The following FHIT variants were observed in gnomAD, a reference collection of about 807,000 sequenced individuals.
The protein encoded by FHIT is bis(5'-adenosyl)-triphosphatase.
A neutral mutation model predicts 17.9 loss-of-function variants in FHIT; 19 were observed. That is an observed-to-expected ratio of 1.06 (90% CI 0.74 to 1.56). The LOEUF (loss-of-function observed/expected upper bound fraction) is 1.56. Among genes scored for constraint, FHIT ranks in the 40% most tolerant of loss-of-function variants. The pLI is 0.00. For missense variants in FHIT, 248 were observed against 189.2 expected (o/e 1.31, Z -1.82); for synonymous variants, 81 against 69.7 (o/e 1.16, Z -0.81).
intron 5 of FHIT, among the ~76,000 whole-genome samples, chr3:60,427,539 C>T (rs1702718214): frequency 1.3e-5 from 2 of 152,118 alleles, no homozygotes; most frequent in South Asian, 4.1e-4. Flanking sequence ...TAATGTATTA[C>T]ACAGCAATAG....
At position 60,293,096 on chromosome 3, in the gene FHIT, C is replaced by T. The variant is rs138895983; in HGVS notation, c.103+243764G>A. Among the ~76,000 whole-genome samples the T allele has an allele frequency of 5.1e-3, 776 of 152,188 alleles. 3 individuals are homozygous for T. Among genetic ancestry groups the T allele is most frequent in the South Asian group, 0.014 (66 of 4,826 alleles). On this transcript the variant is annotated intron_variant, in intron 5 of 9. Transcript: ENST00000492590. ...GCATAAAAATGTCTTTGAAAACATA[C>T]GTAATCTAGAGATGATGTTCAAATA...
At chr3:60,579,792 A>G (rs782514675) in intron 4 of FHIT, among the ~76,000 whole-genome samples, 1 of 152,138 alleles carries the variant, frequency 6.6e-6, no homozygotes, top group Non-Finnish European at 1.5e-5. Flanking sequence ...TTTCTATGTC[A>G]GCAGATACTT....
At chr3:61,072,124 T>A (rs1233868678) in intron 2 of FHIT, among the ~76,000 whole-genome samples, 1 of 152,210 alleles carries the variant, frequency 6.6e-6, no homozygotes, top group East Asian at 1.9e-4. Context: ...AAGGTCATTC[T>A]CTCTGGGTGT....
intron 5 of FHIT, among the ~76,000 whole-genome samples, chr3:60,373,249 C>A (rs1327443157): frequency 6.6e-6 from 1 of 152,036 alleles, no homozygotes; most frequent in Non-Finnish European, 1.5e-5. Flanking sequence ...CAGCCCAGTC[C>A]TTGGGTGGGG....
intron 5 of FHIT, among the ~76,000 whole-genome samples, chr3:60,244,516 G>A (rs1232071998): frequency 6.6e-6 from 1 of 152,004 alleles, no homozygotes; most frequent in Non-Finnish European, 1.5e-5. Context: ...ATTTCATGTT[G>A]ATTAACAGTA....
chr3:60,490,891 G>A (rs2034035153), intron 5 of FHIT, among the ~76,000 whole-genome samples: 1 of 152,118 alleles, frequency 6.6e-6, no homozygotes, highest in Non-Finnish European at 1.5e-5. Flanking sequence ...TGCACAGGTA[G>A]CCAATTTGGG....
chr3:60,122,080 GTTTTC>G (rs1705283319), intron 5 of FHIT, among the ~76,000 whole-genome samples: 1 of 150,250 alleles, frequency 6.7e-6, no homozygotes, highest in Non-Finnish European at 1.5e-5. Flanking sequence ...ATGCACAAAA[GTTTTC>G]TTTTCTTCAG....
intron 5 of FHIT, among the ~76,000 whole-genome samples, chr3:60,165,383 G>C (rs1364696263): frequency 6.6e-6 from 1 of 152,184 alleles, no homozygotes; most frequent in African/African-American, 2.4e-5. Flanking sequence ...GGAAAGTGGT[G>C]AACTTTAGGA....
chr3:61,214,745 G>A (rs2039614783), intron 1 of FHIT, among the ~76,000 whole-genome samples: 1 of 152,192 alleles, frequency 6.6e-6, no homozygotes, highest in Admixed American at 6.5e-5. Flanking sequence ...GAACATTGAT[G>A]CAAATATCCT....
At chr3:60,200,131 T>G (rs559588946) in intron 5 of FHIT, among the ~76,000 whole-genome samples, 1 of 152,056 alleles carries the variant, frequency 6.6e-6, no homozygotes, top group Non-Finnish European at 1.5e-5. Flanking sequence ...ACACTAGGGA[T>G]GGGATTAGGA....
At chr3:60,455,259 T>C (rs1445523090) in intron 5 of FHIT, among the ~76,000 whole-genome samples, 1 of 152,056 alleles carries the variant, frequency 6.6e-6, no homozygotes, top group Non-Finnish European at 1.5e-5. Flanking sequence ...ACAAGACTCT[T>C]CTTGACCAAA....
At chr3:60,915,691 T>C (rs782681178) in intron 3 of FHIT, among the ~76,000 whole-genome samples, 6 of 152,150 alleles carry the variant, frequency 3.9e-5, no homozygotes, top group Admixed American at 1.3e-4. Context: ...TAAAAGGTGT[T>C]CTAAAAGAAA....
chr3:59,869,638 C>T (rs1415030793), intron 8 of FHIT, among the ~76,000 whole-genome samples: 12 of 132,016 alleles, frequency 9.1e-5, no homozygotes, highest in South Asian at 2.6e-4. Context: ...CCCGCCACCA[C>T]GCCCAGCTAA....
intron 5 of FHIT, among the ~76,000 whole-genome samples, chr3:60,137,837 T>A (rs1173664809): frequency 2.6e-5 from 4 of 151,954 alleles, no homozygotes; most frequent in South Asian, 2.1e-4. Flanking sequence ...AAAGTGTAAA[T>A]GAATATTTAA....
In FHIT at chr3:61,103,596, T is replaced by G. The variant is rs936063810; in HGVS notation, c.-163-61497A>C. 4.6e-5 allele frequency among the ~76,000 whole-genome samples: 7 copies of G among 152,204 alleles called. No individual in the cohort carries two copies. In the South Asian group the frequency reaches 1.4e-3, roughly 31 times the overall value. On this transcript the variant is annotated intron_variant, in intron 2 of 9. Transcript: ENST00000492590. ...TGCTTGTTGCAGAGCTGAGTTCAGGTCCTGGATATCCTTGTTAACCTTCCA... is the reference window on the plus strand; with the variant it reads ...TGCTTGTTGCAGAGCTGAGTTCAGGGCCTGGATATCCTTGTTAACCTTCCA...
At chr3:60,313,784 A>T (rs1039087885) in intron 5 of FHIT, among the ~76,000 whole-genome samples, 5 of 152,200 alleles carry the variant, frequency 3.3e-5, no homozygotes, top group East Asian at 1.9e-4. Context: ...AGATCTTTCT[A>T]ATCTTGACTC....
chr3:61,177,508 C>T (rs1163355352), intron 2 of FHIT, among the ~76,000 whole-genome samples: 1 of 152,144 alleles, frequency 6.6e-6, no homozygotes, highest in African/African-American at 2.4e-5. Flanking sequence ...ATGCTGATTT[C>T]ATTATGTATT....
chr3:61,229,008 A>G (rs939394363), intron 1 of FHIT, among the ~76,000 whole-genome samples: 1 of 152,240 alleles, frequency 6.6e-6, no homozygotes, highest in Non-Finnish European at 1.5e-5. Context: ...AAGATACTGT[A>G]GAGTAGAGCA....
At chr3:60,300,890 A>T (rs373278092) in intron 5 of FHIT, among the ~76,000 whole-genome samples, 289 of 152,038 alleles carry the variant, frequency 1.9e-3, no homozygotes, top group Middle Eastern at 6.8e-3. Context: ...GCTTCACTCC[A>T]TCAGCCCTAG....
Sources: gnomAD v4.1 joint callset for allele counts (sites outside exome capture counted in the v4.1 genomes callset) on GRCh38, gnomAD v4.1.1 for gene constraint, MANE v1.5 for transcripts, NCBI Gene and HGNC (gene_info 2026-07-23, HGNC 2026-07-21) for gene names.